The following DPY19L3 variants were observed in gnomAD, a reference collection of about 807,000 sequenced individuals.
DPY19L3 encodes protein C-mannosyl-transferase DPY19L3.
Under a neutral mutation model 92.3 loss-of-function variants are expected in DPY19L3, and 51 were observed. That is an observed-to-expected ratio of 0.55 (90% CI 0.44 to 0.70). The LOEUF is 0.70. Among genes scored for constraint, DPY19L3 ranks in the 30% least tolerant of loss-of-function variants. The pLI is 0.00. For missense variants in DPY19L3, 706 were observed against 855.9 expected (o/e 0.82, Z 2.18); for synonymous variants, 309 against 315.2 (o/e 0.98, Z 0.21).
chr19:32,409,492 T>G (rs1968102978), intron 2 of DPY19L3, among the ~76,000 whole-genome samples: 1 of 152,258 alleles, frequency 6.6e-6, no homozygotes, highest in Non-Finnish European at 1.5e-5. Context: ...GGCCATATGT[T>G]TGTTTAAAAC....
At chr19:32,462,332 G>A (rs567703732) in intron 12 of DPY19L3, among the ~76,000 whole-genome samples, 1 of 152,266 alleles carries the variant, frequency 6.6e-6, no homozygotes, top group African/African-American at 2.4e-5. Context: ...GACAGACAGG[G>A]ATGGAGAGAT....
intron 16 of DPY19L3, among the ~76,000 whole-genome samples, chr19:32,474,354 G>A (rs1040365329): frequency 1.3e-5 from 2 of 152,116 alleles, no homozygotes; most frequent in African/African-American, 2.4e-5. Context: ...TGTGTCACTC[G>A]CTCTGCTGGT....
chr19:32,434,022 C>A (rs1969055242), intron 4 of DPY19L3, among the ~76,000 whole-genome samples: 1 of 152,162 alleles, frequency 6.6e-6, no homozygotes. Context: ...AATTGTTTGG[C>A]TACCTTGCAG....
At chr19:32,463,298 T>C in intron 12 of DPY19L3, 68 bp from the exon 13 acceptor site, 3 of 1,548,556 alleles carry the variant, frequency 1.9e-6, no homozygotes, top group Non-Finnish European at 2.7e-6. Context: ...TTGTATCTTC[T>C]TCTTTTACAA....
intron 4 of DPY19L3, 128 bp from the exon 5 acceptor site, chr19:32,436,318 T>C (rs1340885806): frequency 3.7e-6 from 2 of 533,746 alleles, no homozygotes; most frequent in Admixed American, 9.0e-5. Flanking sequence ...ATGTTTTTTT[T>C]GCTTACTCTT....
chr19:32,464,669 C>A (rs1253876016), intron 14 of DPY19L3, 59 bp from the exon 15 acceptor site: 5 of 1,102,290 alleles, frequency 4.5e-6, no homozygotes, highest in South Asian at 3.1e-5. Context: ...AAGACCCTGT[C>A]TCTCAAAAAA....
intron 16 of DPY19L3, 117 bp downstream of exon 16, chr19:32,468,930 C>A: frequency 1.0e-6 from 1 of 963,292 alleles, no homozygotes; most frequent in South Asian, 2.3e-5. Flanking sequence ...AAGAAACATT[C>A]GTCCTTACTA....
chr19:32,455,541 A>G (rs1250812248), intron 10 of DPY19L3, among the ~76,000 whole-genome samples: 1 of 152,156 alleles, frequency 6.6e-6, no homozygotes, highest in Non-Finnish European at 1.5e-5. Flanking sequence ...ATATACACGT[A>G]GCTTTCTGTA....
At chr19:32,407,998 C>A (rs528187296) in intron 1 of DPY19L3, among the ~76,000 whole-genome samples, 73 of 152,042 alleles carry the variant, frequency 4.8e-4, no homozygotes, top group African/African-American at 1.7e-3. Flanking sequence ...TGAGGTGGAT[C>A]ACCTGAGCCT....
chr19:32,467,710 T>A, intron 15 of DPY19L3: 2 of 987,438 alleles, frequency 2.0e-6, no homozygotes, highest in African/African-American at 3.5e-5. Context: ...TTGTCATTGG[T>A]CTTCTATGCT....
chr19:32,471,055 C>G (rs1413791880), intron 16 of DPY19L3, among the ~76,000 whole-genome samples: 2 of 152,090 alleles, frequency 1.3e-5, no homozygotes, highest in African/African-American at 4.8e-5. Context: ...ATTCCAAACT[C>G]AAGTGACTGC....
chr19:32,415,028 A>G (rs1027726959), intron 3 of DPY19L3, among the ~76,000 whole-genome samples: 1 of 152,246 alleles, frequency 6.6e-6, no homozygotes, highest in Admixed American at 6.5e-5. Flanking sequence ...ATTTTCCAGT[A>G]TAGTAAGTGA....
intron 6 of DPY19L3, 109 bp downstream of exon 6, chr19:32,437,448 GC>G: frequency 3.8e-6 from 5 of 1,330,646 alleles, no homozygotes; most frequent in Non-Finnish European, 5.1e-6. Flanking sequence ...TTGGTTGGGA[GC>G]AGTTTCTCTT....
intron 4 of DPY19L3, among the ~76,000 whole-genome samples, chr19:32,434,322 C>T (rs1969066748): frequency 6.6e-6 from 1 of 152,080 alleles, no homozygotes; most frequent in Non-Finnish European, 1.5e-5. Context: ...CTGTTTTATG[C>T]CATGTCCTTT....
chr19:32,433,714 C>T lies in DPY19L3; in HGVS notation c.328+908C>T, dbSNP rs536266583. Among the ~76,000 whole-genome samples the T allele has an allele frequency of 1.4e-4, 22 of 152,302 alleles. No homozygotes were observed. The South Asian group carries it at 2.1e-3, about 14-fold the overall frequency. On this transcript the variant is annotated intron_variant, in intron 4 of 18. Coordinates refer to ENST00000392250, the MANE Select transcript of DPY19L3 (RefSeq NM_001172774.2). ...TTGGAATTATAGGCATGAGCCACCG[C>T]GCCCAGCCCATAAGTGATGTTTTTT...
At chr19:32,455,918 C>T (rs1282498775) in intron 10 of DPY19L3, among the ~76,000 whole-genome samples, 1 of 151,944 alleles carries the variant, frequency 6.6e-6, no homozygotes, top group African/African-American at 2.4e-5. Flanking sequence ...ACATTGGTAT[C>T]TTCAGATACT....
chr19:32,430,577 T>A (rs1255066571), intron 3 of DPY19L3, among the ~76,000 whole-genome samples: 3 of 152,116 alleles, frequency 2.0e-5, no homozygotes, highest in African/African-American at 7.2e-5. Flanking sequence ...AATAAATAAT[T>A]TCTAAGTCTG....
intron 10 of DPY19L3, among the ~76,000 whole-genome samples, chr19:32,456,235 C>T (rs184522235): frequency 7.9e-5 from 12 of 151,834 alleles, no homozygotes; most frequent in Admixed American, 5.9e-4. Context: ...ACCACCACAC[C>T]GGCTAATTTT....
chr19:32,442,500 A>G (rs936016098), intron 8 of DPY19L3, among the ~76,000 whole-genome samples: 1 of 152,190 alleles, frequency 6.6e-6, no homozygotes, highest in Non-Finnish European at 1.5e-5. Context: ...AACCTTAGAC[A>G]GTATATGTAT....
Sources: gnomAD v4.1 joint callset for allele counts (sites outside exome capture counted in the v4.1 genomes callset) on GRCh38, gnomAD v4.1.1 for gene constraint, MANE v1.5 for transcripts, NCBI Gene and HGNC (gene_info 2026-07-23, HGNC 2026-07-21) for gene names.